Variants in BCOR observed in about 807,000 individuals in gnomAD.
BCOR encodes the protein BCL6 corepressor.
Under a neutral mutation model 86.7 loss-of-function variants are expected in BCOR, and 10 were observed. The observed-to-expected ratio is 0.12, with a 90% CI of 0.07 to 0.20. BCOR has a LOEUF of 0.20. Among genes scored for constraint, BCOR ranks in the 10% least tolerant of loss-of-function variants. The pLI is 1.00. For synonymous variants in BCOR, 611 were observed against 609.0 expected (o/e 1.00, Z -0.05); for missense variants, 1,259 against 1,452.1 (o/e 0.87, Z 2.16).
At chrX:40,063,559 C>A in intron 8 of BCOR, 49 bp downstream of exon 8, 1 of 1,059,274 alleles carries the variant, frequency 9.4e-7, no homozygotes, top group Non-Finnish European at 1.3e-6. Flanking sequence ...GAGTGGATGA[C>A]CCACCCTCCA....
intron 1 of BCOR, among the ~76,000 whole-genome samples, chrX:40,091,636 C>G (rs1650725088): frequency 8.8e-6 from 1 of 113,371 alleles, no homozygotes; most frequent in Non-Finnish European, 1.9e-5. Flanking sequence ...TTGAGGGCAA[C>G]CAGAGAAAGC....
At chrX:40,058,647 G>C (rs892710269) in intron 10 of BCOR, among the ~76,000 whole-genome samples, 5 of 111,861 alleles carry the variant, frequency 4.5e-5, no homozygotes, top group African/African-American at 1.3e-4. Context: ...TGAACCTAAG[G>C]CTGCACGCTG....
At chrX:40,135,393 CTT>C (rs367942561) in intron 1 of BCOR, among the ~76,000 whole-genome samples, 1 of 101,857 alleles carries the variant, frequency 9.8e-6, no homozygotes, top group Non-Finnish European at 2.0e-5. Context: ...TCCTTCTTTT[CTT>C]TTTTTTTTTT....
chrX:40,137,631 G>C (rs1264880695), intron 1 of BCOR, among the ~76,000 whole-genome samples: 1 of 110,929 alleles, frequency 9.0e-6, no homozygotes, highest in African/African-American at 3.3e-5. Context: ...GTCCTCTCTT[G>C]CCTCTGGCTC....
chrX:40,171,649 C>T (rs1048103991), intron 1 of BCOR, among the ~76,000 whole-genome samples: 6 of 112,852 alleles, frequency 5.3e-5, no homozygotes, highest in Non-Finnish European at 7.5e-5. Flanking sequence ...CAGGGGGTGC[C>T]CCGCGTGGGC....
At chrX:40,176,499 C>G (rs1211102626) in intron 1 of BCOR, among the ~76,000 whole-genome samples, 1 of 112,616 alleles carries the variant, frequency 8.9e-6, no homozygotes, top group Non-Finnish European at 1.9e-5. Flanking sequence ...ACTACAAGAG[C>G]GGCGACTCCA....
intron 1 of BCOR, among the ~76,000 whole-genome samples, chrX:40,148,674 C>A (rs898100911): frequency 9.0e-6 from 1 of 111,139 alleles, no homozygotes; most frequent in Non-Finnish European, 1.9e-5. Flanking sequence ...TGGGGCCTGA[C>A]AATTTACAAA....
chrX:40,168,786 C>A (rs189992989), intron 1 of BCOR, among the ~76,000 whole-genome samples: 225 of 113,479 alleles, frequency 2.0e-3, no homozygotes, highest in African/African-American at 6.8e-3. Context: ...AAAGCAGCAG[C>A]CCAGGCAAAT....
In BCOR at chrX:40,156,124, G is replaced by A. The variant is rs186641989; in HGVS notation, c.-41+20883C>T. 4.9e-4 allele frequency among the ~76,000 whole-genome samples: 55 copies of A among 113,115 alleles called. No individual in the cohort carries two copies. In the East Asian group the frequency reaches 0.015, roughly 31 times the overall value. On this transcript the variant is annotated intron_variant, in intron 1 of 14. Coordinates refer to the BCOR transcript ENST00000342274. Reference sequence around the variant, plus strand: ...CCCTCCCCCTCCTCCGAGAAACCGTGGCTGGCAGGAAATTAATATTTAATA... The same window carrying A: ...CCCTCCCCCTCCTCCGAGAAACCGTAGCTGGCAGGAAATTAATATTTAATA...
intron 1 of BCOR, among the ~76,000 whole-genome samples, chrX:40,139,454 TAC>T (rs1947937520): frequency 2.9e-4 from 1 of 3,392 alleles, no homozygotes; most frequent in Non-Finnish European, 3.9e-4. Flanking sequence ...ATAATATATA[TAC>T]ATATATATAT....
chrX:40,075,123 T>G lies in BCOR; in HGVS notation c.223A>C (p.Thr75Pro). The G allele has an allele frequency of 8.3e-7, 1 of 1,210,313 alleles. No homozygotes were observed. The highest frequency in any genetic ancestry group is 1.1e-6 in the Non-Finnish European group (1 of 895,065). Residue 75 changes from threonine to proline, a missense_variant, in exon 4 of 15, where the codon ACT (threonine) becomes CCT (proline). By Grantham distance (38) the Thr-to-Pro change is conservative (BLOSUM62 -1). Transcript: ENST00000378444. ...CGCAGCCCTTCCCGGATCAGGCCAGTGCGGTCCATGCTCAGTGCTGCCAGG... is the reference window on the plus strand; with the variant it reads ...CGCAGCCCTTCCCGGATCAGGCCAGGGCGGTCCATGCTCAGTGCTGCCAGG... ...DGLAALSMDRTGLIREGLRVP... is the reference protein window; with the variant it reads ...DGLAALSMDRPGLIREGLRVP...
rs1370865831 is a variant in BCOR, at chrX:40,097,934, G to A, written c.-760C>T. 3.6e-5 allele frequency among the ~76,000 whole-genome samples: 4 copies of A among 110,251 alleles called. No homozygotes were observed. Among genetic ancestry groups the A allele is most frequent in the African/African-American group, 1.3e-4 (4 of 30,224 alleles). On this transcript the variant is annotated 5_prime_UTR_variant, in exon 1 of 15. Coordinates refer to ENST00000378444, the MANE Select transcript of BCOR (RefSeq NM_001123385.2). ...GAGGAGCGCAGCTCTGCCTCACCTTGCCGCTGGGAGCCCAGGCTCCGTCTG... is the reference window on the plus strand; with the variant it reads ...GAGGAGCGCAGCTCTGCCTCACCTTACCGCTGGGAGCCCAGGCTCCGTCTG...
At chrX:40,120,585 G>C (rs1937469572) in intron 1 of BCOR, among the ~76,000 whole-genome samples, 1 of 111,409 alleles carries the variant, frequency 9.0e-6, no homozygotes, top group Admixed American at 9.6e-5. Context: ...CCCTCCTCTG[G>C]CTCCTACCCC....
chrX:40,123,509 T>A (rs1937513280), intron 1 of BCOR, among the ~76,000 whole-genome samples: 1 of 110,705 alleles, frequency 9.0e-6, no homozygotes. Context: ...TGCATCACCA[T>A]GCCCGGCTAA....
chrX:40,136,133 C>A (rs1937676897), intron 1 of BCOR, among the ~76,000 whole-genome samples: 1 of 111,847 alleles, frequency 8.9e-6, no homozygotes, highest in Admixed American at 9.6e-5. Context: ...TGCATTTGCA[C>A]TCTACCCTCT....
chrX:40,098,450 C>T (rs1235195017), upstream of BCOR, among the ~76,000 whole-genome samples: 1 of 111,398 alleles, frequency 9.0e-6, no homozygotes, highest in Non-Finnish European at 1.9e-5. Flanking sequence ...GGGCTGCCGG[C>T]AGAGCCAGAG....
intron 1 of BCOR, among the ~76,000 whole-genome samples, chrX:40,176,057 G>C (rs1046839369): frequency 8.9e-6 from 1 of 112,934 alleles, no homozygotes; most frequent in Admixed American, 9.3e-5. Flanking sequence ...AGATGGCCAA[G>C]TTTGTGTCCT....
intron 1 of BCOR, among the ~76,000 whole-genome samples, chrX:40,171,093 G>C (rs1176607711): frequency 8.9e-6 from 1 of 112,023 alleles, no homozygotes; most frequent in Non-Finnish European, 1.9e-5. Flanking sequence ...CACTGAACTG[G>C]AGCCAGAAGC....
chrX:40,168,661 C>T (rs988279537), intron 1 of BCOR, among the ~76,000 whole-genome samples: 3 of 112,666 alleles, frequency 2.7e-5, no homozygotes, highest in African/African-American at 9.7e-5. Flanking sequence ...CTGGGGCTCC[C>T]CGGGGGGCTG....
Sources: gnomAD v4.1 joint callset for allele counts (sites outside exome capture counted in the v4.1 genomes callset) on GRCh38, gnomAD v4.1.1 for gene constraint, MANE v1.5 for transcripts, NCBI Gene and HGNC (gene_info 2026-07-23, HGNC 2026-07-21) for gene names.